Variants in MAP2K2 observed in about 807,000 individuals in gnomAD.
MAP2K2 encodes dual specificity mitogen-activated protein kinase kinase 2.
A neutral mutation model predicts 43.7 loss-of-function variants in MAP2K2; 24 were observed. The observed-to-expected ratio is 0.55, with a 90% CI of 0.40 to 0.77. The LOEUF is 0.77. MAP2K2 is among the 30% of genes least tolerant of loss of function. The pLI, the probability that MAP2K2 is intolerant of heterozygous loss-of-function variation, is 0.00. For missense variants in MAP2K2, 470 were observed against 566.8 expected, an observed-to-expected ratio of 0.83 and a Z score of 1.73; for synonymous variants, 244 against 239.7, an observed-to-expected ratio of 1.02 and a Z score of -0.17.
At position 4,123,211 on chromosome 19, in the gene MAP2K2, G is replaced by T. The variant is rs187874439; in HGVS notation, c.92+573C>A. Among the ~76,000 whole-genome samples, 326 of 151,112 alleles carry T rather than the reference G, an allele frequency of 2.2e-3. 3 individuals carry two copies. Among genetic ancestry groups the T allele is most frequent in the Non-Finnish European group, 3.9e-3 (267 of 67,790 alleles). On this transcript the variant is annotated intron_variant, in intron 1 of 10. Transcript: ENST00000262948. ...CCTCACCCCGATCTCACTGCTTGGG[G>T]AGCCTCATCCTGTTCTCTCCTTGGG...
At chr19:4,111,174 T>C (rs919017926) in intron 2 of MAP2K2, among the ~76,000 whole-genome samples, 1 of 152,084 alleles carries the variant, frequency 6.6e-6, no homozygotes, top group Non-Finnish European at 1.5e-5. Flanking sequence ...AGGGTTCTTT[T>C]TGGGGTGATG....
chr19:4,099,680 T>C (rs1009968159), intron 6 of MAP2K2: 5 of 513,056 alleles, frequency 9.7e-6, no homozygotes, highest in Admixed American at 7.0e-5. Flanking sequence ...CTTTTGGGAA[T>C]GGATGATGGG....
In MAP2K2 at chr19:4,123,580, CCCCCTGCCCCGTCCTCCCCCGAGGGT is replaced by C. The variant is rs1245094851; in HGVS notation, c.92+178_92+203del. 8.7e-3 allele frequency among the ~76,000 whole-genome samples: 349 copies of C among 39,950 alleles called. 3 individuals carry two copies. The highest frequency in any genetic ancestry group is 0.015 in the Non-Finnish European group (288 of 19,680). The allele number at this position is 39,950 out of a possible 152,430, so 26.2% of individuals were successfully genotyped here. On this transcript the variant is annotated intron_variant, in intron 1 of 10. Coordinates refer to ENST00000262948, the MANE Select transcript of MAP2K2 (RefSeq NM_030662.4). ...CCCCTGCCCCGTCCTCCCCCGAGGG[CCCCCTGCCCCGTCCTCCCCCGAGGGT>C]CCCCTGCCCTGTCCTCCCCTCGAGA...
chr19:4,102,999 C>A, intron 3 of MAP2K2: 3 of 1,065,306 alleles, frequency 2.8e-6, no homozygotes, highest in Non-Finnish European at 3.4e-6. Flanking sequence ...CCAGGGGGCT[C>A]CCTCGCCAAG....
In MAP2K2 at chr19:4,117,733, A is replaced by T; in HGVS notation, c.93-104T>A. The T allele has an allele frequency of 6.0e-6, 6 of 1,000,160 alleles. No homozygotes were observed. The South Asian group carries it at 7.7e-5, about 13-fold the overall frequency. 62.0% of individuals were successfully genotyped at this position (1,000,160 alleles called of 1,614,324 possible). A position where few individuals can be genotyped will look rare whatever the true frequency, so the allele number is the denominator to read the frequency against. The stretch of plus-strand genomic sequence containing the variant: ...CGGCCCCCAGGAGGACACAGACTGG[A>T]TTCCTGCACTTGAGGGGTTCATGGT... On this transcript the variant is annotated intron_variant, in intron 1 of 10. Coordinates refer to ENST00000262948, the MANE Select transcript of MAP2K2 (RefSeq NM_030662.4).
Position 4,102,832 on chromosome 19 carries a change from G to A in MAP2K2, c.451-379C>T, listed in dbSNP as rs949361517. ...TGCAGCCTACGTGGTGGGCTTGTCT[G>A]TGCGCCACGGGAGGCGGCCAGGCTG... On this transcript the variant is annotated intron_variant, in intron 3 of 10. Coordinates refer to ENST00000262948, the MANE Select transcript of MAP2K2 (RefSeq NM_030662.4). The A allele has an allele frequency of 2.8e-5, 34 of 1,205,444 alleles. No homozygotes were observed. The East Asian group carries it at 1.2e-3, about 44-fold the overall frequency. The allele number at this position is 1,205,444 out of a possible 1,614,324, so 74.7% of individuals were successfully genotyped here.
chr19:4,114,011 G>C (rs543139837), intron 2 of MAP2K2, among the ~76,000 whole-genome samples: 59 of 152,358 alleles, frequency 3.9e-4, no homozygotes, highest in African/African-American at 1.4e-3. Context: ...AATTGGAAGA[G>C]AGCCGGGGCA....
chr19:4,123,956 G>A lies in MAP2K2; in HGVS notation c.-81C>T. The A allele has an allele frequency of 7.0e-6, 5 of 714,860 alleles. No homozygotes were observed. The highest frequency in any genetic ancestry group is 8.9e-6 in the Non-Finnish European group (5 of 561,452). 44.3% of individuals were successfully genotyped at this position (714,860 alleles called of 1,614,324 possible). On this transcript the variant is annotated 5_prime_UTR_variant, in exon 1 of 11. Coordinates refer to ENST00000262948, the MANE Select transcript of MAP2K2 (RefSeq NM_030662.4). ...GGCCGGGAGCGGTCGGCGCCTACGC[G>A]AGCCCGGGGCTGCGGCCGCGGCCCA...
chr19:4,102,514 C>A (rs1042498043), intron 3 of MAP2K2, 61 bp from the exon 4 acceptor site: 3 of 1,263,278 alleles, frequency 2.4e-6, no homozygotes, highest in East Asian at 4.9e-5. Context: ...GCCACGGATG[C>A]GTCCCCCCAC....
At chr19:4,112,209 G>A (rs1032015256) in intron 2 of MAP2K2, among the ~76,000 whole-genome samples, 11 of 152,246 alleles carry the variant, frequency 7.2e-5, no homozygotes, top group South Asian at 2.1e-4. Context: ...GTGAAGGGGC[G>A]GCCAAGCACG....
At chr19:4,095,663 G>A (rs540642342) in intron 8 of MAP2K2, among the ~76,000 whole-genome samples, 4 of 151,862 alleles carry the variant, frequency 2.6e-5, no homozygotes, top group South Asian at 2.1e-4. Flanking sequence ...AGTGGGGTGC[G>A]TCCCCCTTTT....
intron 1 of MAP2K2, among the ~76,000 whole-genome samples, chr19:4,120,377 G>T (rs1220556865): frequency 6.6e-6 from 1 of 152,166 alleles, no homozygotes; most frequent in Admixed American, 6.5e-5. Context: ...GCACTGGCAC[G>T]ATCTCAGCTC....
chr19:4,117,380 C>G (rs1425593143), intron 2 of MAP2K2, 39 bp downstream of exon 2: 2 of 1,588,314 alleles, frequency 1.3e-6, no homozygotes, highest in Non-Finnish European at 8.6e-7. Context: ...GGGGACCTTC[C>G]CCACCACTCC....
chr19:4,122,547 C>T (rs981921975), intron 1 of MAP2K2, among the ~76,000 whole-genome samples: 1 of 140,600 alleles, frequency 7.1e-6, no homozygotes, highest in African/African-American at 2.7e-5. Flanking sequence ...CCCCACAGGC[C>T]CCCACCGACA....
In MAP2K2 at chr19:4,123,830, G is replaced by A. The variant is rs904859028; in HGVS notation, c.46C>T (p.Pro16Ser). The change falls in exon 1 of 11, where the codon CCT (proline) becomes TCT (serine). Residue 16 changes from proline to serine, a missense_variant. This residue lies in a region of MAP2K2 where 58 missense variants were observed against 48.0 expected (regional missense o/e 1.21). Coordinates refer to ENST00000262948, the MANE Select transcript of MAP2K2 (RefSeq NM_030662.4). ...GGGGATGGGCCCTCGGCGATGGTAGGGTTGATGGTGAGCGCCGGCAGCACC... is the reference window on the plus strand; with the variant it reads ...GGGGATGGGCCCTCGGCGATGGTAGAGTTGATGGTGAGCGCCGGCAGCACC... ...KPVLPALTIN[P>S]TIAEGPSPTS... The A allele has an allele frequency of 6.5e-7, 1 of 1,546,546 alleles. No individual in the cohort carries two copies. Among genetic ancestry groups the A allele is most frequent in the Non-Finnish European group, 8.7e-7 (1 of 1,150,608 alleles).
intron 3 of MAP2K2, among the ~76,000 whole-genome samples, chr19:4,108,873 A>C (rs1454678652): frequency 6.6e-6 from 1 of 152,094 alleles, no homozygotes; most frequent in Non-Finnish European, 1.5e-5. Context: ...GGAGCACCAC[A>C]TGACAGAGGG....
In MAP2K2 at chr19:4,101,684, C is replaced by G. The variant is rs1457570212; in HGVS notation, c.529-404G>C. 2.0e-5 allele frequency among the ~76,000 whole-genome samples: 3 copies of G among 152,164 alleles called. No individual in the cohort carries two copies. The highest frequency in any genetic ancestry group is 6.5e-5 in the Admixed American group (1 of 15,276). On this transcript the variant is annotated intron_variant, in intron 4 of 10. Transcript: ENST00000262948. The surrounding 1 kb of genome is among the most constrained non-coding windows in gnomAD (Gnocchi z 6.3). ...GCTAAGGGCCCCCAGATGGGACGGG[C>G]TAAGGGTGCCTGGGAAGGACGATGT...
chr19:4,111,561 C>A (rs903177814), intron 2 of MAP2K2, among the ~76,000 whole-genome samples: 1 of 152,142 alleles, frequency 6.6e-6, no homozygotes, highest in Non-Finnish European at 1.5e-5. Context: ...TGAGAATTCT[C>A]CCTCTCCTTC....
intron 9 of MAP2K2, 48 bp from the exon 10 acceptor site, chr19:4,094,546 C>A: frequency 6.5e-7 from 1 of 1,547,820 alleles, no homozygotes; most frequent in Non-Finnish European, 8.7e-7. Context: ...GGAGACAAGA[C>A]AGGGCAGTCA....
Sources: gnomAD v4.1 joint callset for allele counts (sites outside exome capture counted in the v4.1 genomes callset) on GRCh38, gnomAD v4.1.1 for gene constraint, gnomAD v4.1.1 regional missense constraint, Gnocchi (gnomAD v3.1) non-coding constraint, MANE v1.5 for transcripts, NCBI Gene and HGNC (gene_info 2026-07-23, HGNC 2026-07-21) for gene names.